UBE2D2: variants seen among roughly 807,000 people sequenced by gnomAD.
UBE2D2 encodes the protein ubiquitin-conjugating enzyme E2 D2.
Under a neutral mutation model 24.2 loss-of-function variants are expected in UBE2D2, and 2 were observed. That is an observed-to-expected ratio of 0.08 (90% confidence interval 0.03 to 0.26). The LOEUF is 0.26. Ranked by LOEUF, UBE2D2 falls within the 10% of genes least tolerant of loss-of-function variation. The pLI, the probability that UBE2D2 is intolerant of heterozygous loss-of-function variation, is 1.00. For synonymous variants in UBE2D2, 58 were observed against 56.5 expected (o/e 1.03, Z -0.12); for missense variants, 44 against 177.6 (o/e 0.25, Z 4.28).
At chr5:139,551,230 C>T (rs1752917484) in intron 1 of UBE2D2, among the ~76,000 whole-genome samples, 1 of 152,104 alleles carries the variant, frequency 6.6e-6, no homozygotes, top group Non-Finnish European at 1.5e-5. Flanking sequence ...CTTGTAATTC[C>T]AGCTACCCAG....
rs529954305 is a variant in UBE2D2 at position 139,536,995 on chromosome 5, T to C, written c.-64+10383T>C. Among the ~76,000 whole-genome samples the C allele has an allele frequency of 2.0e-4, 30 of 151,910 alleles. 1 individual carries two copies. The highest frequency in any genetic ancestry group is 5.9e-4 in the East Asian group (3 of 5,118). On this transcript the variant is annotated intron_variant, in intron 1 of 6. Coordinates refer to the UBE2D2 transcript ENST00000511725. Reference sequence around the variant, plus strand: ...GAGATCGAGACCATCCTGGCTAACATGGTGAAACCCCGTTTCTACTAAAAA... The same window carrying C: ...GAGATCGAGACCATCCTGGCTAACACGGTGAAACCCCGTTTCTACTAAAAA...
chr5:139,604,453 T>G (rs574799140), intron 2 of UBE2D2, among the ~76,000 whole-genome samples: 1 of 152,084 alleles, frequency 6.6e-6, no homozygotes, highest in South Asian at 2.1e-4. Flanking sequence ...AAAACTCCTA[T>G]AACTCAGTAT....
upstream of UBE2D2, among the ~76,000 whole-genome samples, chr5:139,556,482 A>C (rs1253673305): frequency 1.3e-5 from 2 of 152,158 alleles, no homozygotes; most frequent in Non-Finnish European, 2.9e-5. Context: ...GGTAGAAATA[A>C]CAGAAGAAAT....
chr5:139,593,170 AT>A (rs1561514111), intron 1 of UBE2D2, among the ~76,000 whole-genome samples: 1 of 150,822 alleles, frequency 6.6e-6, no homozygotes, highest in Non-Finnish European at 1.5e-5. Flanking sequence ...TAACTTTTAT[AT>A]TTTTAGTAGA....
chr5:139,583,684 C>G (rs188913189), intron 1 of UBE2D2, among the ~76,000 whole-genome samples: 44 of 152,170 alleles, frequency 2.9e-4, no homozygotes, highest in Non-Finnish European at 5.7e-4. Flanking sequence ...ATTGCTTGAA[C>G]CCAGGAAGTG....
chr5:139,561,737 G>A lies in UBE2D2; in HGVS notation c.-55G>A. ...CCTCAGGCTCCCTAGCCCCTTCCCC[G>A]TCCCTTCCCCGCCCCCGTCCCCGCC... On this transcript the variant is annotated 5_prime_UTR_variant, in exon 1 of 7. Coordinates refer to ENST00000398733, the MANE Select transcript of UBE2D2 (RefSeq NM_003339.3). The A allele has an allele frequency of 1.6e-6, 2 of 1,247,066 alleles. No homozygotes were observed. The highest frequency in any genetic ancestry group is 1.6e-5 in the African/African-American group (1 of 62,028). 77.3% of individuals were successfully genotyped at this position (1,247,066 alleles called of 1,614,324 possible).
chr5:139,623,718 G>A, intron 6 of UBE2D2: 1 of 281,424 alleles, frequency 3.6e-6, no homozygotes, highest in South Asian at 7.2e-5. Context: ...TTGAGACAGG[G>A]TCTTACTCTG....
chr5:139,537,198 AC>A (rs1346562640), intron 1 of UBE2D2, among the ~76,000 whole-genome samples: 50 of 150,978 alleles, frequency 3.3e-4, no homozygotes, highest in Non-Finnish European at 6.1e-4. Flanking sequence ...AAAAAAAAAA[AC>A]AACAAAAAGT....
chr5:139,550,539 C>T (rs575177626), intron 1 of UBE2D2, among the ~76,000 whole-genome samples: 2 of 152,246 alleles, frequency 1.3e-5, no homozygotes, highest in Admixed American at 6.5e-5. Flanking sequence ...CTAGTAGTGG[C>T]AACTGGCTCA....
intron 1 of UBE2D2, among the ~76,000 whole-genome samples, chr5:139,549,359 G>C (rs1028876434): frequency 2.0e-5 from 3 of 152,214 alleles, no homozygotes; most frequent in Non-Finnish European, 4.4e-5. Context: ...GGCCCAGGCA[G>C]GAACTGGGGC....
chr5:139,588,068 A>C (rs560356352), intron 1 of UBE2D2, among the ~76,000 whole-genome samples: 22 of 152,138 alleles, frequency 1.4e-4, no homozygotes, highest in African/African-American at 5.1e-4. Flanking sequence ...GGCACAAGTG[A>C]TCCCCCAGCC....
chr5:139,600,558 T>G, intron 2 of UBE2D2, 123 bp downstream of exon 2: 7 of 845,570 alleles, frequency 8.3e-6, no homozygotes, highest in African/African-American at 1.7e-5. Flanking sequence ...GGAGCAACTC[T>G]ATGTTCATCC....
At chr5:139,569,559 T>G (rs1288889862) in intron 1 of UBE2D2, among the ~76,000 whole-genome samples, 2 of 152,150 alleles carry the variant, frequency 1.3e-5, no homozygotes, top group Non-Finnish European at 2.9e-5. Flanking sequence ...AGAAATAAAG[T>G]TTTGATGGTT....
At chr5:139,526,434 C>A (rs1752538073) in exon 1 of UBE2D2, 1 of 152,268 alleles carries the variant, frequency 6.6e-6, no homozygotes, top group Admixed American at 6.5e-5. Context: ...TGTGGAGCAT[C>A]CCTGTGGGGG....
intron 1 of UBE2D2, among the ~76,000 whole-genome samples, chr5:139,576,332 T>C (rs1753468004): frequency 6.6e-6 from 1 of 152,170 alleles, no homozygotes; most frequent in Non-Finnish European, 1.5e-5. Context: ...CCAACTTTGG[T>C]GGATGTCAGC....
chr5:139,546,882 C>T (rs1752838292), intron 1 of UBE2D2, among the ~76,000 whole-genome samples: 2 of 148,534 alleles, frequency 1.3e-5, no homozygotes, highest in African/African-American at 5.0e-5. Context: ...TTCTTTCCTT[C>T]TTTCTTTCTT....
chr5:139,556,361 T>C (rs564207438), upstream of UBE2D2, among the ~76,000 whole-genome samples: 70 of 151,896 alleles, frequency 4.6e-4, no homozygotes, highest in African/African-American at 1.6e-3. Context: ...TGAGCTGAGA[T>C]CTCTGCCACT....
intron 1 of UBE2D2, among the ~76,000 whole-genome samples, chr5:139,591,173 G>A (rs956609348): frequency 6.7e-6 from 1 of 149,502 alleles, no homozygotes; most frequent in African/African-American, 2.5e-5. Flanking sequence ...CCAGGCTGGA[G>A]TGCATGGTGC....
At position 139,577,477 on chromosome 5, in the gene UBE2D2, GA is replaced by G. The variant is rs200646118; in HGVS notation, c.24+15663del. Among the ~76,000 whole-genome samples, 849 of 144,152 alleles carry G rather than the reference GA, an allele frequency of 5.9e-3. 13 individuals carry two copies. The highest frequency in any genetic ancestry group is 0.018 in the African/African-American group (720 of 39,104). 94.6% of individuals were successfully genotyped at this position (144,152 alleles called of 152,430 possible). A position where few individuals can be genotyped will look rare whatever the true frequency, so the allele number is the denominator to read the frequency against. ...TGCCCAGGCTGGAGTGCAATGGGGT[GA>G]TCTCGGCTCACTGCAATCTCCGCCT... is the stretch of plus-strand genomic sequence containing the variant. On this transcript the variant is annotated intron_variant, in intron 1 of 6. Coordinates refer to ENST00000398733, the MANE Select transcript of UBE2D2 (RefSeq NM_003339.3).
Sources: allele counts gnomAD v4.1 joint callset (sites outside exome capture counted in the v4.1 genomes callset), GRCh38; gene constraint gnomAD v4.1.1; transcripts MANE v1.5; gene names NCBI Gene and HGNC (gene_info 2026-07-23, HGNC 2026-07-21).